NRXN3: variants seen among roughly 807,000 people sequenced by gnomAD.
NRXN3 encodes neurexin III.
Under a neutral mutation model 137.6 loss-of-function variants are expected in NRXN3, and 32 were observed. That is an observed-to-expected ratio of 0.23 (90% confidence interval 0.18 to 0.31). The LOEUF (loss-of-function observed/expected upper bound fraction) is 0.31, where lower values mean the gene tolerates loss of function less well. Among genes scored for constraint, NRXN3 ranks in the 10% least tolerant of loss-of-function variants. The pLI, the probability that NRXN3 is intolerant of heterozygous loss-of-function variation, is 1.00. For missense variants in NRXN3, 1,574 were observed against 2,062.5 expected, an observed-to-expected ratio of 0.76 and a Z score of 4.59; for synonymous variants, 798 against 784.5, an observed-to-expected ratio of 1.02 and a Z score of -0.29.
chr14:79,588,491 G>C (rs1277862691), intron 16 of NRXN3, among the ~76,000 whole-genome samples: 2 of 152,188 alleles, frequency 1.3e-5, no homozygotes, highest in Admixed American at 6.5e-5. Flanking sequence ...GCTGCTATTT[G>C]AACTAAACTG....
chr14:79,201,891 T>C (rs935943505), intron 15 of NRXN3, among the ~76,000 whole-genome samples: 1 of 152,206 alleles, frequency 6.6e-6, no homozygotes, highest in African/African-American at 2.4e-5. Context: ...ATTAAACAGG[T>C]ACTATTACTA....
intron 4 of NRXN3, among the ~76,000 whole-genome samples, chr14:78,432,792 A>G (rs952688578): frequency 1.3e-5 from 2 of 152,172 alleles, no homozygotes; most frequent in Non-Finnish European, 2.9e-5. Context: ...GGAATGTCTG[A>G]CCAATGGGGA....
chr14:78,930,670 G>A (rs1456646932), intron 10 of NRXN3, among the ~76,000 whole-genome samples: 2 of 152,172 alleles, frequency 1.3e-5, no homozygotes, highest in East Asian at 1.9e-4. Context: ...TGAGGAACCC[G>A]AAACTCAAAG....
At chr14:79,205,078 T>G (rs1239412824) in intron 15 of NRXN3, among the ~76,000 whole-genome samples, 2 of 152,212 alleles carry the variant, frequency 1.3e-5, no homozygotes, top group Non-Finnish European at 2.9e-5. Context: ...GGAAAATTTT[T>G]CTTCCTTGAC....
At chr14:79,768,170 C>T (rs983909702) in intron 19 of NRXN3, among the ~76,000 whole-genome samples, 2 of 152,226 alleles carry the variant, frequency 1.3e-5, no homozygotes, top group African/African-American at 4.8e-5. Flanking sequence ...TGAGATCAAA[C>T]TGCAAGGCAG....
intron 4 of NRXN3, among the ~76,000 whole-genome samples, chr14:78,605,726 A>T (rs779846637): frequency 2.6e-5 from 4 of 152,320 alleles, no homozygotes; most frequent in Non-Finnish European, 5.9e-5. Context: ...AAAAAAAATA[A>T]AACAAAAAGA....
At chr14:78,244,125 A>G (rs1037796262) in intron 2 of NRXN3, among the ~76,000 whole-genome samples, 2 of 152,124 alleles carry the variant, frequency 1.3e-5, no homozygotes, top group African/African-American at 2.4e-5. Context: ...AGGGCAAGAA[A>G]TCAGATAGAA....
intron 6 of NRXN3, among the ~76,000 whole-genome samples, chr14:78,654,892 G>A (rs2097773312): frequency 6.6e-6 from 1 of 152,174 alleles, no homozygotes; most frequent in Non-Finnish European, 1.5e-5. Flanking sequence ...TTGACCACTT[G>A]ACTTTCCTGG....
intron 15 of NRXN3, among the ~76,000 whole-genome samples, chr14:79,182,839 G>T (rs2033070710): frequency 6.6e-6 from 1 of 151,848 alleles, no homozygotes; most frequent in African/African-American, 2.4e-5. Context: ...GATTCTACAA[G>T]AAATTATAAA....
At chr14:78,900,947 A>G (rs1297192907) in intron 10 of NRXN3, among the ~76,000 whole-genome samples, 1 of 151,924 alleles carries the variant, frequency 6.6e-6, no homozygotes. Context: ...ACATCAAATG[A>G]CTCGCCCAAC....
chr14:78,247,586 C>T (rs577763487), intron 2 of NRXN3, among the ~76,000 whole-genome samples: 10 of 152,124 alleles, frequency 6.6e-5, no homozygotes, highest in South Asian at 2.1e-4. Flanking sequence ...CTTGCCTTTT[C>T]GGTGGTGATT....
At chr14:78,823,994 C>T (rs978298670) in intron 10 of NRXN3, among the ~76,000 whole-genome samples, 2 of 151,730 alleles carry the variant, frequency 1.3e-5, no homozygotes, top group African/African-American at 4.8e-5. Flanking sequence ...GGAAGGGATG[C>T]CTTGTGAAAC....
At chr14:79,018,743 A>C (rs2099583984) in intron 15 of NRXN3, among the ~76,000 whole-genome samples, 1 of 152,210 alleles carries the variant, frequency 6.6e-6, no homozygotes, top group Non-Finnish European at 1.5e-5. Flanking sequence ...AAAGTAGTAC[A>C]ATAAACCTAT....
At chr14:78,753,323 G>A (rs1448879234) in intron 8 of NRXN3, among the ~76,000 whole-genome samples, 1 of 152,144 alleles carries the variant, frequency 6.6e-6, no homozygotes, top group Non-Finnish European at 1.5e-5. Flanking sequence ...GGGGTTAGCG[G>A]CTGGGTGACT....
chr14:79,540,953 G>T (rs2097266294), intron 16 of NRXN3, among the ~76,000 whole-genome samples: 1 of 152,082 alleles, frequency 6.6e-6, no homozygotes, highest in Non-Finnish European at 1.5e-5. Flanking sequence ...CCAAAATCAA[G>T]GTGTCAGCAA....
At chr14:79,549,258 C>T (rs1348785005) in intron 16 of NRXN3, among the ~76,000 whole-genome samples, 1 of 152,066 alleles carries the variant, frequency 6.6e-6, no homozygotes, top group Non-Finnish European at 1.5e-5. Context: ...CTGGGAGATT[C>T]CAAAGAGAGA....
chr14:78,521,594 T>C (rs1057013550), intron 4 of NRXN3, among the ~76,000 whole-genome samples: 1 of 152,080 alleles, frequency 6.6e-6, no homozygotes, highest in Non-Finnish European at 1.5e-5. Flanking sequence ...TTAATTATTT[T>C]GGGGGATGGA....
chr14:79,263,217 T>A (rs1472631760), intron 15 of NRXN3, among the ~76,000 whole-genome samples: 1 of 152,224 alleles, frequency 6.6e-6, no homozygotes, highest in East Asian at 1.9e-4. Context: ...GAAATCTCCA[T>A]GTTTTCAGCC....
Position 79,419,262 on chromosome 14 carries a change from G to A in NRXN3, c.3263-47959G>A, listed in dbSNP as rs78981222. ...CAGATGGTCAGGGTAGAGAGCTGGT[G>A]CAATAGCTCAAATGGTAAATGACAG... On this transcript the variant is annotated intron_variant, in intron 15 of 20. Transcript: ENST00000335750. 6.8e-4 allele frequency among the ~76,000 whole-genome samples: 104 copies of A among 152,256 alleles called. 1 individual carries two copies. The East Asian group carries it at 0.016, about 23-fold the overall frequency.
Sources: allele counts gnomAD v4.1 joint callset (sites outside exome capture counted in the v4.1 genomes callset), GRCh38; gene constraint gnomAD v4.1.1; transcripts MANE v1.5; gene names NCBI Gene and HGNC (gene_info 2026-07-23, HGNC 2026-07-21).